Variants in NEK8 observed in about 807,000 individuals in gnomAD.
NEK8 encodes NIMA related kinase 8.
NEK8 carries 51 observed loss-of-function variants against 77.2 expected under a neutral mutation model. That is an observed-to-expected ratio of 0.66 (90% CI 0.53 to 0.83). The LOEUF (loss-of-function observed/expected upper bound fraction) is 0.83. NEK8 is among the 40% of genes least tolerant of loss of function. The pLI is 0.00. For synonymous variants in NEK8, 365 were observed against 363.2 expected (o/e 1.00, Z -0.06); for missense variants, 787 against 909.2 (o/e 0.87, Z 1.73).
chr17:28,739,682 C>T (rs1229630484), intron 10 of NEK8, among the ~76,000 whole-genome samples: 3 of 152,036 alleles, frequency 2.0e-5, no homozygotes, highest in East Asian at 1.9e-4. Flanking sequence ...CTCCTGACCT[C>T]GTGATCCACA....
In NEK8 at chr17:28,740,082, A is replaced by G. The variant is rs890793340; in HGVS notation, c.1418-381A>G. ...AGGTGGATCACAAGGTCAGGAGTTC[A>G]AGACCAGCCTGGCCAACATGGTAAA... On this transcript the variant is annotated intron_variant, in intron 10 of 14. Transcript: ENST00000268766. The surrounding 1 kb of genome is among the most constrained non-coding windows in gnomAD (Gnocchi z 4.7). Among the ~76,000 whole-genome samples, 2 of 151,922 alleles carry G rather than the reference A, an allele frequency of 1.3e-5. No individual in the cohort carries two copies. Among genetic ancestry groups the G allele is most frequent in the African/African-American group, 4.8e-5 (2 of 41,390 alleles).
intron 3 of NEK8, 70 bp from the exon 4 acceptor site, chr17:28,735,170 A>C (rs1356603220): frequency 1.9e-6 from 3 of 1,602,446 alleles, no homozygotes; most frequent in East Asian, 4.5e-5. Context: ...GCTGTCCCCA[A>C]ATGGGCTTAT....
In NEK8 at chr17:28,737,187, T is replaced by C; in HGVS notation, c.619-119T>C. 9.8e-7 allele frequency: 1 copy of C among 1,020,988 alleles called. No homozygotes were observed. Among genetic ancestry groups the C allele is most frequent in the Non-Finnish European group, 1.5e-6 (1 of 676,618 alleles). The allele number at this position is 1,020,988 out of a possible 1,614,324, so 63.2% of individuals were successfully genotyped here. A position where few individuals can be genotyped will look rare whatever the true frequency, so the allele number is the denominator to read the frequency against. ...TGGTTACTGTAGCCTTGTAGTATAG[T>C]TTGAAGTCAGGTAGCATGATGCCTC... On this transcript the variant is annotated intron_variant, in intron 4 of 14. Coordinates refer to ENST00000268766, the MANE Select transcript of NEK8 (RefSeq NM_178170.3). This position sits in a 1 kb window ranked among gnomAD's most constrained non-coding sequence, Gnocchi z 4.8.
rs1421800553 is a variant in NEK8, at chr17:28,743,125, C to G, written c.*1138C>G. 1 of 147,962 alleles carries G rather than the reference C, an allele frequency of 6.8e-6. No individual in the cohort carries two copies. The highest frequency in any genetic ancestry group is 1.5e-5 in the Non-Finnish European group (1 of 67,154). 9.2% of individuals were successfully genotyped at this position (147,962 alleles called of 1,614,324 possible). A position where few individuals can be genotyped will look rare whatever the true frequency, so the allele number is the denominator to read the frequency against. On this transcript the variant is annotated 3_prime_UTR_variant, in exon 15 of 15. Transcript: ENST00000268766. ...AAAGTATTTGGTGCTTACCGGGACTCTATCTCCATACTTTGGAGCAGGGCA... is the reference window on the plus strand; with the variant it reads ...AAAGTATTTGGTGCTTACCGGGACTGTATCTCCATACTTTGGAGCAGGGCA...
rs371308377 is a variant in NEK8, at chr17:28,739,071, C to A, written c.1300-13C>A. ...CCTTTGCCCAGTTTCTCCTTGCTTC[C>A]TCTCCTCTCTAGCCCACCATTGTGG... On this transcript the variant is annotated splice_polypyrimidine_tract_variant and intron_variant, in intron 9 of 14. Transcript: ENST00000268766. 1.9e-5 allele frequency: 30 copies of A among 1,603,926 alleles called. No individual in the cohort carries two copies. Among genetic ancestry groups the A allele is most frequent in the Non-Finnish European group, 2.5e-5 (29 of 1,170,724 alleles).
rs930769804 is a variant in NEK8, at chr17:28,743,139, T to G, written c.*1152T>G. On this transcript the variant is annotated 3_prime_UTR_variant, in exon 15 of 15. Transcript: ENST00000268766. ...TTACCGGGACTCTATCTCCATACTTTGGAGCAGGGCAAGCCAGGGCCTGCC... is the reference window on the plus strand; with the variant it reads ...TTACCGGGACTCTATCTCCATACTTGGGAGCAGGGCAAGCCAGGGCCTGCC... 6.6e-6 allele frequency: 1 copy of G among 150,754 alleles called. No homozygotes were observed. Among genetic ancestry groups the G allele is most frequent in the East Asian group, 1.9e-4 (1 of 5,152 alleles). 9.3% of individuals were successfully genotyped at this position (150,754 alleles called of 1,614,324 possible).
intron 1 of NEK8, chr17:28,733,041 T>C: frequency 9.4e-6 from 1 of 106,514 alleles, no homozygotes; most frequent in East Asian, 2.7e-4. Flanking sequence ...GCTCAGCTAA[T>C]TTTTTTTTTT....
Position 28,735,371 on chromosome 17 carries a change from G to GGTGA in NEK8, c.618+4_618+7dup. ...GCCTCAAGAGGGCTTTCGAGGCTGC[G>GGTGA]GTGAGTGTATGCACCCTCCAGGGGA... On this transcript the variant is annotated frameshift_variant and splice_region_variant. Transcript: ENST00000268766. LOFTEE classifies it high-confidence loss of function. The GGTGA allele has an allele frequency of 6.2e-7, 1 of 1,613,236 alleles. No individual in the cohort carries two copies. Among genetic ancestry groups the GGTGA allele is most frequent in the Non-Finnish European group, 8.5e-7 (1 of 1,179,724 alleles).
Position 28,733,966 on chromosome 17 carries a change from G to A in NEK8, c.48-17G>A. 2 of 1,612,466 alleles carry A rather than the reference G, an allele frequency of 1.2e-6. No homozygotes were observed. The highest frequency in any genetic ancestry group is 2.2e-5 in the South Asian group (2 of 91,010). On this transcript the variant is annotated splice_polypyrimidine_tract_variant and intron_variant, in intron 1 of 14. Coordinates refer to ENST00000268766, the MANE Select transcript of NEK8 (RefSeq NM_178170.3). ...GAGGCTTAGCTGGTAACCTGTCCCT[G>A]TCCTCCGTATCCCTAGGATTGTGCA...
At position 28,735,335 on chromosome 17, in the gene NEK8, C is replaced by G. The variant is rs201773965; in HGVS notation, c.582C>G (p.Tyr194Ter). The G allele has an allele frequency of 1.9e-6, 3 of 1,613,946 alleles. No individual in the cohort carries two copies. The highest frequency in any genetic ancestry group is 2.5e-6 in the Non-Finnish European group (3 of 1,179,962). ...TCTGGGCCCTGGGCTGTGTCCTCTA[C>G]GAGCTGGCCAGCCTCAAGAGGGCTT... The part of the protein sequence containing the change: ...SDIWALGCVL[Y>*]ELASLKRAFE... The change falls in exon 4 of 15, where the codon TAC becomes TAG. Residue 194 changes from tyrosine to a stop codon, truncating the protein, a stop_gained. Transcript: ENST00000268766. LOFTEE classifies it high-confidence loss of function.
chr17:28,735,175 G>T, intron 3 of NEK8, 65 bp from the exon 4 acceptor site: 18 of 1,606,218 alleles, frequency 1.1e-5, no homozygotes, highest in Non-Finnish European at 1.4e-5. Context: ...CCCCAAATGG[G>T]CTTATGCACA....
At chr17:28,739,680 C>T (rs1177691415) in intron 10 of NEK8, among the ~76,000 whole-genome samples, 2 of 152,160 alleles carry the variant, frequency 1.3e-5, no homozygotes, top group Admixed American at 6.5e-5. Context: ...AACTCCTGAC[C>T]TCGTGATCCA....
chr17:28,730,827 G>A (rs969729182), intron 1 of NEK8, among the ~76,000 whole-genome samples: 1 of 152,192 alleles, frequency 6.6e-6, no homozygotes, highest in African/African-American at 2.4e-5. Flanking sequence ...GGAGGCTGAG[G>A]TGGGAGGATC....
chr17:28,740,607 G>A lies in NEK8; in HGVS notation c.1562G>A (p.Ser521Asn), dbSNP rs2034410894. Residue 521 changes from serine to asparagine, a missense_variant, in exon 11 of 15, where the codon AGC becomes AAC. Around this residue, in one of 2 missense-constraint regions of NEK8, gnomAD observed 516 missense variants for 544.0 expected, o/e 0.95. Transcript: ENST00000268766. The surrounding 1 kb of genome is among the most constrained non-coding windows in gnomAD (Gnocchi z 4.7). ...CCTGGCCAAGCCCTAGCCTGTGGGA[G>A]CAACAGGTGAATAGATCATCAGGAT... The part of the protein sequence containing the change: ...TVPGQALACG[S>N]NRFNKLGLDH... The A allele has an allele frequency of 6.2e-7, 1 of 1,614,000 alleles. No individual in the cohort carries two copies. The highest frequency in any genetic ancestry group is 1.3e-5 in the African/African-American group (1 of 74,930).
intron 2 of NEK8, 144 bp downstream of exon 2, chr17:28,734,332 C>T: frequency 1.3e-6 from 1 of 754,900 alleles, no homozygotes; most frequent in Non-Finnish European, 2.3e-6. Flanking sequence ...CCGGCTAGCC[C>T]CTTGTCCTCT....
chr17:28,738,918 C>A (rs565425396), intron 9 of NEK8, among the ~76,000 whole-genome samples, 166 bp from the exon 10 acceptor site: 1 of 152,378 alleles, frequency 6.6e-6, no homozygotes, highest in South Asian at 2.1e-4. Context: ...ACAGAAAAAC[C>A]AGGCTTCCCC....
rs1268370847 is a variant in NEK8, at chr17:28,741,042, C to G, written c.1733-36C>G. On this transcript the variant is annotated intron_variant, in intron 12 of 14. Transcript: ENST00000268766. The surrounding 1 kb of genome is among the most constrained non-coding windows in gnomAD (Gnocchi z 4.5). Reference sequence around the variant, plus strand: ...GGGGACTCACGGTCTCCTTGGTACCCTGTTGAAGCACCCCTTTCCTTCCTC... The same window carrying G: ...GGGGACTCACGGTCTCCTTGGTACCGTGTTGAAGCACCCCTTTCCTTCCTC... 4 of 1,614,030 alleles carry G rather than the reference C, an allele frequency of 2.5e-6. No homozygotes were observed. The East Asian group carries it at 8.9e-5, about 36-fold the overall frequency.
In NEK8 at chr17:28,738,757, A is replaced by G; in HGVS notation, c.1299+10A>G. ...CACTGACATCAGCCAGGTGGGTGTC[A>G]CATATACCTTGGGAAGGGGAAGTCG... On this transcript the variant is annotated intron_variant, in intron 9 of 14. Transcript: ENST00000268766. The G allele has an allele frequency of 6.2e-7, 1 of 1,609,478 alleles. No individual in the cohort carries two copies.
At chr17:28,729,718 G>C (rs879573422) in intron 1 of NEK8, among the ~76,000 whole-genome samples, 2 of 151,684 alleles carry the variant, frequency 1.3e-5, no homozygotes, top group Non-Finnish European at 2.9e-5. Context: ...AATATTTTTT[G>C]TGTTTTTAGT....
Sources: allele counts gnomAD v4.1 joint callset (sites outside exome capture counted in the v4.1 genomes callset), GRCh38; gene constraint gnomAD v4.1.1; regional missense constraint gnomAD v4.1.1; non-coding constraint Gnocchi (gnomAD v3.1); transcripts MANE v1.5; gene names NCBI Gene and HGNC (gene_info 2026-07-23, HGNC 2026-07-21).